SYT10: variants seen among roughly 807,000 people sequenced by gnomAD.
SYT10 encodes the protein synaptotagmin 10.
In SYT10, 31 loss-of-function variants were observed where a neutral mutation model predicts 51.1. The ratio of observed to expected loss-of-function variants is 0.61; its 90% CI spans 0.46 to 0.82. The LOEUF (loss-of-function observed/expected upper bound fraction) is 0.82. Ranked by LOEUF, SYT10 falls within the 40% of genes least tolerant of loss-of-function variation. The pLI, the probability that SYT10 is intolerant of heterozygous loss-of-function variation, is 0.00. For missense variants in SYT10, 603 were observed against 634.0 expected, an observed-to-expected ratio of 0.95 and a Z score of 0.53; for synonymous variants, 233 against 225.9, an observed-to-expected ratio of 1.03 and a Z score of -0.28.
At chr12:33,396,517 T>A (rs1251490996) in intron 3 of SYT10, among the ~76,000 whole-genome samples, 1 of 152,178 alleles carries the variant, frequency 6.6e-6, no homozygotes, top group Non-Finnish European at 1.5e-5. Flanking sequence ...ATATTTTAAA[T>A]TTCTAAGGTA....
At chr12:33,403,634 TAAAC>T (rs1866325707) in intron 3 of SYT10, among the ~76,000 whole-genome samples, 1 of 152,180 alleles carries the variant, frequency 6.6e-6, no homozygotes, top group South Asian at 2.1e-4. Flanking sequence ...CCGCAGGACT[TAAAC>T]AAGTGAGAGC....
At chr12:33,392,227 A>C (rs1866213980) in intron 3 of SYT10, among the ~76,000 whole-genome samples, 1 of 152,224 alleles carries the variant, frequency 6.6e-6, no homozygotes, top group African/African-American at 2.4e-5. Flanking sequence ...TGTATCCCTA[A>C]GGTCTGTAAA....
chr12:33,416,777 T>C (rs1038167588), intron 2 of SYT10, among the ~76,000 whole-genome samples: 10 of 152,130 alleles, frequency 6.6e-5, no homozygotes, highest in African/African-American at 2.4e-4. Flanking sequence ...GAAGAAATAA[T>C]GGCATGCTCT....
intron 2 of SYT10, among the ~76,000 whole-genome samples, chr12:33,422,311 A>G (rs377627096): frequency 8.0e-4 from 122 of 152,020 alleles, no homozygotes; most frequent in African/African-American, 2.7e-3. Context: ...GGGATCTTAG[A>G]TTTTCCTTTA....
intron 2 of SYT10, among the ~76,000 whole-genome samples, chr12:33,410,622 G>A (rs917431653): frequency 3.3e-5 from 5 of 152,176 alleles, no homozygotes; most frequent in African/African-American, 1.2e-4. Context: ...CAGTGTTTTT[G>A]AAAGATCTCG....
At chr12:33,402,088 C>T (rs1364340832) in intron 3 of SYT10, among the ~76,000 whole-genome samples, 1 of 152,130 alleles carries the variant, frequency 6.6e-6, no homozygotes, top group Non-Finnish European at 1.5e-5. Flanking sequence ...AGATTCCTAC[C>T]TGAGCACTAC....
At chr12:33,413,885 T>C (rs1349292257) in intron 2 of SYT10, among the ~76,000 whole-genome samples, 1 of 152,176 alleles carries the variant, frequency 6.6e-6, no homozygotes, top group Non-Finnish European at 1.5e-5. Flanking sequence ...AGACACAGAC[T>C]GGCTAATTGG....
intron 1 of SYT10, among the ~76,000 whole-genome samples, chr12:33,436,685 A>G (rs1423475532): frequency 1.3e-5 from 2 of 152,188 alleles, no homozygotes; most frequent in East Asian, 3.8e-4. Context: ...ACATATATAC[A>G]TGATTTGTAG....
At chr12:33,436,657 C>T (rs1403809378) in intron 1 of SYT10, among the ~76,000 whole-genome samples, 1 of 152,148 alleles carries the variant, frequency 6.6e-6, no homozygotes, top group Non-Finnish European at 1.5e-5. Context: ...ATTTGCAAAA[C>T]CCGTAAGATA....
At chr12:33,410,480 C>G (rs1866395792) in intron 2 of SYT10, among the ~76,000 whole-genome samples, 1 of 152,090 alleles carries the variant, frequency 6.6e-6, no homozygotes, top group Non-Finnish European at 1.5e-5. Context: ...AGTAGCTCTG[C>G]TTGTTTCTAC....
chr12:33,428,556 T>A (rs1218233540), intron 1 of SYT10, among the ~76,000 whole-genome samples: 2 of 152,198 alleles, frequency 1.3e-5, no homozygotes, highest in African/African-American at 4.8e-5. Flanking sequence ...ATATCTTTAG[T>A]GAATTCTATG....
intron 5 of SYT10, among the ~76,000 whole-genome samples, chr12:33,381,670 T>C (rs764932740): frequency 3.3e-5 from 5 of 151,896 alleles, no homozygotes; most frequent in Non-Finnish European, 5.9e-5. Flanking sequence ...TGGAGGACAG[T>C]CCAGGCAACG....
chr12:33,428,467 T>C (rs1866570090), intron 1 of SYT10, among the ~76,000 whole-genome samples: 1 of 152,184 alleles, frequency 6.6e-6, no homozygotes, highest in African/African-American at 2.4e-5. Flanking sequence ...GGAGAATATT[T>C]TAAGAAATGA....
intron 2 of SYT10, chr12:33,423,840 C>A (rs1217622078): frequency 9.5e-6 from 4 of 419,852 alleles, no homozygotes; most frequent in Non-Finnish European, 1.9e-5. Flanking sequence ...TGCATGACTT[C>A]AGGCAAATTT....
At chr12:33,412,209 A>T (rs191495441) in intron 2 of SYT10, among the ~76,000 whole-genome samples, 1,554 of 147,106 alleles carry the variant, frequency 0.011, 36 homozygotes, top group African/African-American at 0.038. Flanking sequence ...TATGACTCTG[A>T]TTATATTTTT....
intron 3 of SYT10, among the ~76,000 whole-genome samples, chr12:33,397,691 G>A (rs1316142443): frequency 6.6e-6 from 1 of 151,952 alleles, no homozygotes; most frequent in African/African-American, 2.4e-5. Context: ...GGAACAGAGG[G>A]AACAAAGTGC....
In SYT10 at chr12:33,407,004, G is replaced by A. The variant is rs770240151; in HGVS notation, c.862C>T (p.His288Tyr). Residue 288 changes from histidine to tyrosine, a missense_variant, in exon 3 of 7, where the codon CAC (histidine) becomes TAC (tyrosine). Coordinates refer to ENST00000228567, the MANE Select transcript of SYT10 (RefSeq NM_198992.4). ...DRKKKFQTRV[H>Y]RKTLNPLFDE... is the part of the protein sequence containing the mutation. The stretch of plus-strand genomic sequence containing the variant: ...AATAGAGGATTTAAAGTCTTTCTGT[G>A]CACGCGGGTCTGAAATTTCTTTTTC... 8 of 1,613,966 alleles carry A rather than the reference G, an allele frequency of 5.0e-6. No homozygotes were observed. The highest frequency in any genetic ancestry group is 1.6e-4 in the Middle Eastern group (1 of 6,084).
chr12:33,439,237 G>A (rs530281955), intron 1 of SYT10, 135 bp downstream of exon 1: 2 of 1,160,004 alleles, frequency 1.7e-6, no homozygotes, highest in South Asian at 3.0e-5. Context: ...AGCGAAGGAA[G>A]GAGCGAGGTA....
At chr12:33,427,635 TTTTA>T (rs1298089510) in intron 1 of SYT10, among the ~76,000 whole-genome samples, 1 of 152,230 alleles carries the variant, frequency 6.6e-6, no homozygotes, top group Non-Finnish European at 1.5e-5. Flanking sequence ...GCTTATTGTA[TTTTA>T]TTTATGTTTT....
Sources: allele counts gnomAD v4.1 joint callset (sites outside exome capture counted in the v4.1 genomes callset), GRCh38; gene constraint gnomAD v4.1.1; transcripts MANE v1.5; gene names NCBI Gene and HGNC (gene_info 2026-07-23, HGNC 2026-07-21).